The following CTDSPL variants were observed in gnomAD, a reference collection of about 807,000 sequenced individuals.
The protein encoded by CTDSPL is CTD small phosphatase-like protein.
CTDSPL carries 8 observed loss-of-function variants against 30.5 expected under a neutral mutation model. That is an observed-to-expected ratio of 0.26 (90% CI 0.15 to 0.47). The LOEUF is 0.47. CTDSPL is among the 20% of genes least tolerant of loss of function. The pLI, the probability that CTDSPL is intolerant of heterozygous loss-of-function variation, is 0.99. For synonymous variants in CTDSPL, 110 were observed against 137.9 expected (o/e 0.80, Z 1.42); for missense variants, 248 against 366.1 (o/e 0.68, Z 2.63).
chr3:37,971,435 A>G lies in CTDSPL; in HGVS notation c.455A>G (p.Asp152Gly). 1 of 1,614,170 alleles carries G rather than the reference A, an allele frequency of 6.2e-7. No homozygotes were observed. Among genetic ancestry groups the G allele is most frequent in the Non-Finnish European group, 8.5e-7 (1 of 1,180,010 alleles). Residue 152 changes from aspartate to glycine, a missense_variant, in exon 6 of 8, where the codon GAC (aspartate) becomes GGC (glycine). This residue lies in a region of CTDSPL where 45 missense variants were observed against 83.1 expected (regional missense o/e 0.54). Coordinates refer to ENST00000273179, the MANE Select transcript of CTDSPL (RefSeq NM_001008392.2). The part of the protein sequence containing the change: ...QVYVLKRPHV[D>G]EFLQRMGQLF... ...TATGTGCTGAAGCGGCCACATGTGGACGAGTTCCTCCAGAGGATGGGGCAG... is the reference window on the plus strand; with the variant it reads ...TATGTGCTGAAGCGGCCACATGTGGGCGAGTTCCTCCAGAGGATGGGGCAG...
At chr3:37,901,137 A>G (rs972538013) in intron 1 of CTDSPL, among the ~76,000 whole-genome samples, 2 of 152,208 alleles carry the variant, frequency 1.3e-5, no homozygotes, top group African/African-American at 4.8e-5. Context: ...ATTAGTAATC[A>G]TTAGTAGTCT....
chr3:37,917,454 G>T (rs965476186), intron 1 of CTDSPL, among the ~76,000 whole-genome samples: 1 of 152,120 alleles, frequency 6.6e-6, no homozygotes, highest in Non-Finnish European at 1.5e-5. Flanking sequence ...AGGCACTTTC[G>T]TTGTAATTAT....
intron 1 of CTDSPL, among the ~76,000 whole-genome samples, chr3:37,868,660 C>T (rs747133996): frequency 6.6e-6 from 1 of 152,038 alleles, no homozygotes; most frequent in African/African-American, 2.4e-5. Flanking sequence ...AAAAAGTTAT[C>T]TGTCCTTCCT....
chr3:37,876,346 G>A (rs1359626507), intron 1 of CTDSPL, among the ~76,000 whole-genome samples: 2 of 152,050 alleles, frequency 1.3e-5, no homozygotes, highest in South Asian at 2.1e-4. Context: ...TCATACAGCT[G>A]TATAACCACT....
At chr3:37,960,328 A>T (rs2125628568) in intron 3 of CTDSPL, among the ~76,000 whole-genome samples, 1 of 151,314 alleles carries the variant, frequency 6.6e-6, no homozygotes, top group Admixed American at 6.6e-5. Context: ...TAAAAATACA[A>T]AATTAGCCGG....
At chr3:37,889,935 T>A (rs1017364579) in intron 1 of CTDSPL, among the ~76,000 whole-genome samples, 8 of 152,236 alleles carry the variant, frequency 5.3e-5, no homozygotes, top group African/African-American at 1.9e-4. Flanking sequence ...CAAAGACATT[T>A]AAAAATCTGC....
rs546851935 is a variant in CTDSPL at position 37,984,381 on chromosome 3, G to A, written c.*3514G>A. On this transcript the variant is annotated 3_prime_UTR_variant, in exon 8 of 8. Coordinates refer to ENST00000273179, the MANE Select transcript of CTDSPL (RefSeq NM_001008392.2). ...GCATTACTTAGGAAATGCTACATGC[G>A]GAATGTGCACGTTTCCAGGGGCGAG... 1.3e-5 allele frequency: 6 copies of A among 445,158 alleles called. No individual in the cohort carries two copies. Among genetic ancestry groups the A allele is most frequent in the African/African-American group, 4.0e-5 (2 of 50,014 alleles). 27.6% of individuals were successfully genotyped at this position (445,158 alleles called of 1,614,324 possible). A position where few individuals can be genotyped will look rare whatever the true frequency, so the allele number is the denominator to read the frequency against.
At chr3:37,890,805 T>G (rs1367635327) in intron 1 of CTDSPL, among the ~76,000 whole-genome samples, 2 of 152,148 alleles carry the variant, frequency 1.3e-5, no homozygotes, top group Non-Finnish European at 2.9e-5. Context: ...CAGATGAGGT[T>G]ATAAGGCTGA....
At position 37,862,705 on chromosome 3, in the gene CTDSPL, A is replaced by T. The variant is rs1413073950; in HGVS notation, c.79+427A>T. On this transcript the variant is annotated intron_variant, in intron 1 of 7. Coordinates refer to ENST00000273179, the MANE Select transcript of CTDSPL (RefSeq NM_001008392.2). This position sits in a 1 kb window ranked among gnomAD's most constrained non-coding sequence, Gnocchi z 4.3. The stretch of plus-strand genomic sequence containing the variant: ...GTAAGGGTTTGCGCACCTAACGGAG[A>T]TGTTGTGAGTGCTTTTTTTCCTGAC... 1.3e-5 allele frequency among the ~76,000 whole-genome samples: 2 copies of T among 151,950 alleles called. No individual in the cohort carries two copies. The highest frequency in any genetic ancestry group is 1.5e-5 in the Non-Finnish European group (1 of 67,980).
rs1377957537 is a variant in CTDSPL, at chr3:37,975,148, C to T, written c.520-561C>T. On this transcript the variant is annotated intron_variant, in intron 6 of 7. Coordinates refer to ENST00000273179, the MANE Select transcript of CTDSPL (RefSeq NM_001008392.2). The surrounding 1 kb of genome is among the most constrained non-coding windows in gnomAD (Gnocchi z 4.9). Reference sequence around the variant, plus strand: ...GGAGAGAATGCATGCAGAGGGAACACTGGTACAAAGGTCCTGACCATACTC... The same window carrying T: ...GGAGAGAATGCATGCAGAGGGAACATTGGTACAAAGGTCCTGACCATACTC... Among the ~76,000 whole-genome samples the T allele has an allele frequency of 6.6e-6, 1 of 152,212 alleles. No homozygotes were observed. Among genetic ancestry groups the T allele is most frequent in the Non-Finnish European group, 1.5e-5 (1 of 68,034 alleles).
At position 37,982,173 on chromosome 3, in the gene CTDSPL, A is replaced by G. The variant is rs535500399; in HGVS notation, c.*1306A>G. On this transcript the variant is annotated 3_prime_UTR_variant, in exon 8 of 8. Coordinates refer to ENST00000273179, the MANE Select transcript of CTDSPL (RefSeq NM_001008392.2). The stretch of plus-strand genomic sequence containing the variant: ...TGAGAACCTGTGGCCTCAACCAGCC[A>G]CCAAGCTGATGTGGCCCAAGTCCAT... 4.1e-4 allele frequency: 127 copies of G among 313,376 alleles called. No individual in the cohort carries two copies. The highest frequency in any genetic ancestry group is 1.1e-3 in the Middle Eastern group (1 of 876). 19.4% of individuals were successfully genotyped at this position (313,376 alleles called of 1,614,324 possible).
At chr3:37,920,191 C>T (rs1698697299) in intron 1 of CTDSPL, among the ~76,000 whole-genome samples, 1 of 152,170 alleles carries the variant, frequency 6.6e-6, no homozygotes, top group African/African-American at 2.4e-5. Context: ...GGCAGGGATT[C>T]ACGATCTCCA....
chr3:37,880,495 A>C (rs1238686856), intron 1 of CTDSPL, among the ~76,000 whole-genome samples: 1 of 152,244 alleles, frequency 6.6e-6, no homozygotes, highest in Non-Finnish European at 1.5e-5. Flanking sequence ...CCAAGATGAC[A>C]GTCCACATTT....
At chr3:37,903,220 C>A (rs1055974080) in intron 1 of CTDSPL, among the ~76,000 whole-genome samples, 20 of 152,202 alleles carry the variant, frequency 1.3e-4, no homozygotes, top group Non-Finnish European at 2.1e-4. Context: ...GCTGGAATTC[C>A]TGAGGCAGAC....
intron 1 of CTDSPL, among the ~76,000 whole-genome samples, chr3:37,913,102 C>T (rs1458864606): frequency 6.6e-6 from 1 of 152,184 alleles, no homozygotes; most frequent in Non-Finnish European, 1.5e-5. Context: ...AGGCAAATCG[C>T]TAGAGCCCAG....
chr3:37,889,278 A>G (rs1410793318), intron 1 of CTDSPL, among the ~76,000 whole-genome samples: 1 of 152,202 alleles, frequency 6.6e-6, no homozygotes, highest in African/African-American at 2.4e-5. Context: ...AAGCCCTTAT[A>G]TATAAGGCAT....
At chr3:37,886,995 G>A (rs1379321616) in intron 1 of CTDSPL, among the ~76,000 whole-genome samples, 2 of 152,184 alleles carry the variant, frequency 1.3e-5, no homozygotes, top group Non-Finnish European at 2.9e-5. Flanking sequence ...TGAGCTCACT[G>A]ATATCATCCC....
intron 1 of CTDSPL, among the ~76,000 whole-genome samples, chr3:37,863,820 T>A (rs983084512): frequency 1.3e-5 from 2 of 152,232 alleles, no homozygotes; most frequent in Non-Finnish European, 2.9e-5. Flanking sequence ...TCAACCTGTT[T>A]GCAGTTTCGT....
chr3:37,908,775 G>A (rs1053454629), intron 1 of CTDSPL, among the ~76,000 whole-genome samples: 5 of 152,150 alleles, frequency 3.3e-5, no homozygotes, highest in East Asian at 1.9e-4. Context: ...TTCTTGGACC[G>A]GCATTGTGTT....
Sources: gnomAD v4.1 joint callset for allele counts (sites outside exome capture counted in the v4.1 genomes callset) on GRCh38, gnomAD v4.1.1 for gene constraint, gnomAD v4.1.1 regional missense constraint, Gnocchi (gnomAD v3.1) non-coding constraint, MANE v1.5 for transcripts, NCBI Gene and HGNC (gene_info 2026-07-23, HGNC 2026-07-21) for gene names.